GRIP1: variants seen among roughly 807,000 people sequenced by gnomAD.
GRIP1 encodes the protein glutamate receptor interacting protein 1, also known as glutamate receptor-interacting protein 1.
A neutral mutation model predicts 129.9 loss-of-function variants in GRIP1; 45 were observed. The observed-to-expected ratio is 0.35, with a 90% CI of 0.27 to 0.44. GRIP1 has a LOEUF of 0.44. Ranked by LOEUF, GRIP1 falls within the 20% of genes least tolerant of loss-of-function variation. GRIP1 has a pLI of 1.00. For missense variants in GRIP1, 1,196 were observed against 1,396.8 expected (o/e 0.86, Z 2.29); for synonymous variants, 530 against 520.8 (o/e 1.02, Z -0.24).
upstream of GRIP1, among the ~76,000 whole-genome samples, chr12:66,808,735 A>G (rs901982292): frequency 4.6e-5 from 7 of 152,202 alleles, no homozygotes; most frequent in Non-Finnish European, 1.0e-4. Flanking sequence ...ACTATTGATT[A>G]GAGCTGAGTG....
Position 66,580,670 on chromosome 12 carries a change from C to A in GRIP1, c.136+16177G>T, listed in dbSNP as rs867263661. 2.5e-3 allele frequency among the ~76,000 whole-genome samples: 370 copies of A among 149,390 alleles called. 1 individual carries two copies. Among genetic ancestry groups the A allele is most frequent in the African/African-American group, 8.4e-3 (343 of 40,792 alleles). ...TCAAAAGAGACAAAGAAGGCCATTA[C>A]ATAATGGTAAAGGGATCAATTCAAC... On this transcript the variant is annotated intron_variant, in intron 2 of 24. Coordinates refer to ENST00000359742, the MANE Select transcript of GRIP1 (RefSeq NM_001366722.1).
intron 16 of GRIP1, among the ~76,000 whole-genome samples, chr12:66,402,849 A>G (rs922504162): frequency 5.9e-5 from 9 of 152,226 alleles, no homozygotes; most frequent in African/African-American, 2.2e-4. Context: ...TCCAAAGGGT[A>G]AATGCTTATT....
At chr12:66,981,882 T>C (rs373933165) in intron 1 of GRIP1, among the ~76,000 whole-genome samples, 27 of 152,118 alleles carry the variant, frequency 1.8e-4, no homozygotes, top group Admixed American at 1.6e-3. Context: ...GAAAGCAAAA[T>C]GCCTAAATGT....
At chr12:66,726,243 T>C (rs1240740247) in intron 1 of GRIP1, among the ~76,000 whole-genome samples, 2 of 152,222 alleles carry the variant, frequency 1.3e-5, no homozygotes, top group African/African-American at 4.8e-5. Flanking sequence ...TTTACAATAT[T>C]GTAAGGCAGC....
chr12:66,717,868 C>T (rs569395330), intron 1 of GRIP1, among the ~76,000 whole-genome samples: 2 of 152,232 alleles, frequency 1.3e-5, no homozygotes, highest in South Asian at 2.1e-4. Flanking sequence ...GTTAATGCAG[C>T]TATTCTTGGA....
upstream of GRIP1, among the ~76,000 whole-genome samples, chr12:66,680,954 T>C (rs1443769755): frequency 6.7e-6 from 1 of 149,950 alleles, no homozygotes; most frequent in Non-Finnish European, 1.5e-5. Context: ...CCCCTTTTCC[T>C]AATATGCTTA....
At chr12:66,587,663 G>T (rs905369492) in intron 2 of GRIP1, among the ~76,000 whole-genome samples, 1 of 152,126 alleles carries the variant, frequency 6.6e-6, no homozygotes, top group African/African-American at 2.4e-5. Flanking sequence ...GGAACACTCA[G>T]AATCAAAAAG....
At chr12:66,846,846 T>C (rs920147023) in intron 1 of GRIP1, among the ~76,000 whole-genome samples, 1 of 152,130 alleles carries the variant, frequency 6.6e-6, no homozygotes, top group Non-Finnish European at 1.5e-5. Flanking sequence ...GGGGGACCTG[T>C]AGGCAGGAGC....
chr12:66,955,345 T>G (rs1054755506), intron 1 of GRIP1, among the ~76,000 whole-genome samples: 3 of 152,096 alleles, frequency 2.0e-5, no homozygotes, highest in African/African-American at 4.8e-5. Flanking sequence ...TTAAAAGAGA[T>G]AATCTCTGCA....
At chr12:66,366,308 G>C (rs1376686153) in intron 23 of GRIP1, among the ~76,000 whole-genome samples, 4 of 152,206 alleles carry the variant, frequency 2.6e-5, no homozygotes, top group African/African-American at 9.6e-5. Context: ...GACTCAGAGA[G>C]ATATTGCAAA....
intron 1 of GRIP1, among the ~76,000 whole-genome samples, chr12:66,848,802 G>T (rs1410763867): frequency 6.6e-6 from 1 of 151,810 alleles, no homozygotes; most frequent in African/African-American, 2.4e-5. Context: ...TCAAATTATG[G>T]GTATTCTGAC....
intron 1 of GRIP1, among the ~76,000 whole-genome samples, chr12:66,828,086 A>G (rs1161321687): frequency 6.6e-6 from 1 of 152,206 alleles, no homozygotes; most frequent in African/African-American, 2.4e-5. Context: ...AAATGGACCA[A>G]ATACTAGTCC....
At chr12:67,066,911 T>C (rs10878555) in intron 1 of GRIP1, among the ~76,000 whole-genome samples, 4,859 of 140,570 alleles carry the variant, frequency 0.035, 129 homozygotes, top group African/African-American at 0.066. Flanking sequence ...TATATATATA[T>C]ACACACACAC....
At chr12:66,950,629 T>C (rs1465399726) in intron 1 of GRIP1, among the ~76,000 whole-genome samples, 3 of 152,132 alleles carry the variant, frequency 2.0e-5, no homozygotes, top group Admixed American at 1.3e-4. Context: ...ATATACTGCA[T>C]GTAGCAATGG....
At chr12:66,829,459 T>C (rs7957813) in intron 1 of GRIP1, among the ~76,000 whole-genome samples, 24,535 of 152,068 alleles carry the variant, frequency 0.16, 2,127 homozygotes, top group East Asian at 0.37. Flanking sequence ...ATAAAATTTG[T>C]GTTATTTTAA....
At chr12:66,650,852 T>C (rs961234382) in intron 1 of GRIP1, among the ~76,000 whole-genome samples, 6 of 152,218 alleles carry the variant, frequency 3.9e-5, no homozygotes, top group African/African-American at 1.4e-4. Context: ...AGTCTGGCTC[T>C]GACACCACAC....
At chr12:67,024,563 T>A (rs930015874) in intron 1 of GRIP1, among the ~76,000 whole-genome samples, 16 of 152,280 alleles carry the variant, frequency 1.1e-4, no homozygotes, top group African/African-American at 3.6e-4. Context: ...AAGGCCTGCC[T>A]ATGTAATAAA....
chr12:66,606,074 C>T (rs575082005), intron 1 of GRIP1, among the ~76,000 whole-genome samples: 2 of 152,142 alleles, frequency 1.3e-5, no homozygotes, highest in Non-Finnish European at 2.9e-5. Flanking sequence ...CTCCCTCTCT[C>T]GTGTCTTAAG....
chr12:66,530,143 T>C (rs1252178110), intron 4 of GRIP1, among the ~76,000 whole-genome samples: 4 of 152,200 alleles, frequency 2.6e-5, no homozygotes, highest in East Asian at 1.9e-4. Flanking sequence ...AACAAAATCA[T>C]AGCTAGCTCA....
Sources: allele counts gnomAD v4.1 joint callset (sites outside exome capture counted in the v4.1 genomes callset), GRCh38; gene constraint gnomAD v4.1.1; transcripts MANE v1.5; gene names NCBI Gene and HGNC (gene_info 2026-07-23, HGNC 2026-07-21).